Variants in TTC17 observed in about 807,000 individuals in gnomAD.
TTC17 encodes the protein tetratricopeptide repeat protein 17.
In TTC17, 58 loss-of-function variants were observed where a neutral mutation model predicts 143.8. The ratio of observed to expected loss-of-function variants is 0.40; its 90% CI spans 0.33 to 0.50. The LOEUF (loss-of-function observed/expected upper bound fraction) is 0.50, where lower values mean the gene tolerates loss of function less well. TTC17 is among the 20% of genes least tolerant of loss of function. TTC17 has a pLI of 0.49. For synonymous variants in TTC17, 501 were observed against 497.8 expected (o/e 1.01, Z -0.09); for missense variants, 1,273 against 1,392.5 (o/e 0.91, Z 1.37).
chr11:43,436,131 T>C (rs1947287287), intron 16 of TTC17: 1 of 1,303,200 alleles, frequency 7.7e-7, no homozygotes, highest in Non-Finnish European at 9.8e-7. Context: ...GAGATATTTC[T>C]AATGTGCTAT....
intron 22 of TTC17, 91 bp from the exon 23 acceptor site, chr11:43,491,929 A>G: frequency 6.5e-7 from 1 of 1,534,298 alleles, no homozygotes; most frequent in Non-Finnish European, 8.9e-7. Flanking sequence ...TTCACCAGGA[A>G]ACACAGACTG....
chr11:43,358,968 T>C lies in TTC17; in HGVS notation c.14T>C (p.Val5Ala). The change falls in exon 1 of 24, where the codon GTA becomes GCA. Residue 5 changes from valine to alanine, a missense_variant. Around this residue, in one of 3 missense-constraint regions of TTC17, gnomAD observed 70 missense variants for 48.5 expected, o/e 1.44. Transcript: ENST00000039989. MAAA[V>A]GVRGRYELPP... ...CGGGGGGGCAAGATGGCGGCGGCAGTAGGGGTTCGTGGCCGGTACGAGCTG... is the reference window on the plus strand; with the variant it reads ...CGGGGGGGCAAGATGGCGGCGGCAGCAGGGGTTCGTGGCCGGTACGAGCTG... The C allele has an allele frequency of 7.0e-6, 11 of 1,578,296 alleles. No individual in the cohort carries two copies. Among genetic ancestry groups the C allele is most frequent in the Non-Finnish European group, 9.5e-6 (11 of 1,163,096 alleles).
chr11:43,396,911 A>G lies in TTC17; in HGVS notation c.773+93A>G, dbSNP rs951648030. On this transcript the variant is annotated intron_variant, in intron 6 of 23. Coordinates refer to ENST00000039989, the MANE Select transcript of TTC17 (RefSeq NM_018259.6). ...AGAAAGCAGTAAGAAGCAACATTGCATTATATACTTTTCTCCATCCCTGTT... is the reference window on the plus strand; with the variant it reads ...AGAAAGCAGTAAGAAGCAACATTGCGTTATATACTTTTCTCCATCCCTGTT... 4.9e-6 allele frequency: 3 copies of G among 607,950 alleles called. No homozygotes were observed. In the Admixed American group the frequency reaches 9.7e-5, roughly 20 times the overall value. 37.7% of individuals were successfully genotyped at this position (607,950 alleles called of 1,614,324 possible).
At chr11:43,433,372 T>C (rs568925634) in intron 16 of TTC17, among the ~76,000 whole-genome samples, 1 of 152,310 alleles carries the variant, frequency 6.6e-6, no homozygotes, top group East Asian at 1.9e-4. Flanking sequence ...CATGTAGCTT[T>C]TATGTGATCA....
chr11:43,448,252 C>T, intron 19 of TTC17, 130 bp downstream of exon 19: 4 of 1,332,310 alleles, frequency 3.0e-6, no homozygotes, highest in Non-Finnish European at 4.0e-6. Context: ...AAAGGATGAC[C>T]ATGCTGACCA....
intron 21 of TTC17, among the ~76,000 whole-genome samples, chr11:43,453,429 C>CT (rs1947703506): frequency 1.3e-5 from 2 of 151,880 alleles, no homozygotes; most frequent in African/African-American, 2.4e-5. Flanking sequence ...AACAGCAACT[C>CT]TTGATTCCAG....
At chr11:43,377,149 T>C (rs1286075490) in intron 1 of TTC17, among the ~76,000 whole-genome samples, 2 of 152,000 alleles carry the variant, frequency 1.3e-5, no homozygotes, top group East Asian at 3.9e-4. Flanking sequence ...AAAACTTAGC[T>C]GGGCGTAGTG....
intron 9 of TTC17, among the ~76,000 whole-genome samples, 172 bp from the exon 10 acceptor site, chr11:43,401,274 G>T (rs1442950760): frequency 6.6e-6 from 1 of 152,142 alleles, no homozygotes; most frequent in Non-Finnish European, 1.5e-5. Context: ...TTCTTAGAAT[G>T]ATTTATTTGA....
Position 43,490,228 on chromosome 11 carries a change from T to C in TTC17, c.3031-11T>C. 1 of 1,600,132 alleles carries C rather than the reference T, an allele frequency of 6.2e-7. No individual in the cohort carries two copies. Among genetic ancestry groups the C allele is most frequent in the Non-Finnish European group, 8.5e-7 (1 of 1,170,628 alleles). ...GAAAGGACACCAGCCTTGGCTAACATTCCTTTGCAGAACCAGACGTCCTGG... is the reference window on the plus strand; with the variant it reads ...GAAAGGACACCAGCCTTGGCTAACACTCCTTTGCAGAACCAGACGTCCTGG... On this transcript the variant is annotated splice_polypyrimidine_tract_variant and intron_variant, in intron 21 of 23. Transcript: ENST00000039989.
At chr11:43,368,238 A>T (rs1467194319) in intron 1 of TTC17, among the ~76,000 whole-genome samples, 1 of 152,142 alleles carries the variant, frequency 6.6e-6, no homozygotes, top group South Asian at 2.1e-4. Context: ...GTCTCGGGGC[A>T]TAAAGTACCA....
chr11:43,436,177 GA>G, intron 16 of TTC17: 1 of 1,403,704 alleles, frequency 7.1e-7, no homozygotes, highest in South Asian at 1.8e-5. Context: ...ATTGTCATGA[GA>G]AAACCCTGGA....
At chr11:43,490,507 G>T (rs1354548315) in intron 22 of TTC17, 149 bp downstream of exon 22, 2 of 1,281,774 alleles carry the variant, frequency 1.6e-6, no homozygotes, top group Non-Finnish European at 2.1e-6. Flanking sequence ...TTCTGACTGG[G>T]CTTGTGCCCC....
intron 2 of TTC17, among the ~76,000 whole-genome samples, chr11:43,379,776 T>C (rs12294631): frequency 0.15 from 23,469 of 152,170 alleles, 1,848 homozygotes; most frequent in Middle Eastern, 0.21. Flanking sequence ...ATGGTTGACG[T>C]GAAAAACATT....
intron 1 of TTC17, among the ~76,000 whole-genome samples, chr11:43,373,622 C>A (rs1856655396): frequency 6.6e-6 from 1 of 152,088 alleles, no homozygotes; most frequent in East Asian, 1.9e-4. Context: ...CACACGCGGC[C>A]CTAAAAGAAG....
At chr11:43,427,481 G>C (rs894762557) in intron 16 of TTC17, among the ~76,000 whole-genome samples, 6 of 152,138 alleles carry the variant, frequency 3.9e-5, no homozygotes, top group African/African-American at 1.4e-4. Flanking sequence ...GCTATTGCGG[G>C]TAGTTAATTT....
chr11:43,403,754 A>G (rs1857980406), intron 10 of TTC17, among the ~76,000 whole-genome samples: 1 of 152,188 alleles, frequency 6.6e-6, no homozygotes, highest in Non-Finnish European at 1.5e-5. Flanking sequence ...GGACAGGAAA[A>G]CGACCTATGC....
intron 18 of TTC17, chr11:43,446,333 A>G (rs574225934): frequency 1.4e-4 from 44 of 321,466 alleles, no homozygotes; most frequent in Middle Eastern, 1.3e-3. Context: ...CCTCTGTGCA[A>G]TTGTTCTATA....
At chr11:43,451,300 C>A in intron 21 of TTC17, 35 bp downstream of exon 21, 1 of 1,587,116 alleles carries the variant, frequency 6.3e-7, no homozygotes, top group Non-Finnish European at 8.7e-7. Flanking sequence ...GAAACAATTG[C>A]CCTCCTTCTA....
At chr11:43,467,781 T>A (rs1948006870) in intron 21 of TTC17, among the ~76,000 whole-genome samples, 1 of 151,886 alleles carries the variant, frequency 6.6e-6, no homozygotes, top group Non-Finnish European at 1.5e-5. Context: ...AAATCATTTT[T>A]AGTAGAAAAT....
Sources: allele counts gnomAD v4.1 joint callset (sites outside exome capture counted in the v4.1 genomes callset), GRCh38; gene constraint gnomAD v4.1.1; regional missense constraint gnomAD v4.1.1; transcripts MANE v1.5; gene names NCBI Gene and HGNC (gene_info 2026-07-23, HGNC 2026-07-21).